Variants in TSNARE1 observed in about 807,000 individuals in gnomAD.
TSNARE1 encodes the protein t-SNARE domain-containing protein 1.
Under a neutral mutation model 62.0 loss-of-function variants are expected in TSNARE1, and 49 were observed. The ratio of observed to expected loss-of-function variants is 0.79; its 90% CI spans 0.63 to 1.00. The LOEUF is 1.00. Among genes scored for constraint, TSNARE1 ranks in the 50% least tolerant of loss-of-function variants. TSNARE1 has a pLI of 0.00. For synonymous variants in TSNARE1, 328 were observed against 294.4 expected, an observed-to-expected ratio of 1.11 and a Z score of -1.17; for missense variants, 755 against 700.1, an observed-to-expected ratio of 1.08 and a Z score of -0.88.
intron 12 of TSNARE1, among the ~76,000 whole-genome samples, chr8:142,253,172 C>T (rs543197952): frequency 3.3e-5 from 5 of 152,302 alleles, no homozygotes; most frequent in East Asian, 1.9e-4. Context: ...GACAGGCTGG[C>T]GACAGCCCAG....
chr8:142,226,097 C>T (rs1816755104), intron 13 of TSNARE1, among the ~76,000 whole-genome samples: 1 of 152,226 alleles, frequency 6.6e-6, no homozygotes, highest in African/African-American at 2.4e-5. Flanking sequence ...TAACTCATTA[C>T]ATCTGCAAAG....
rs1424219197 is a variant in TSNARE1 at position 142,344,430 on chromosome 8, G to A, written c.281C>T (p.Thr94Ile). 2 of 1,584,568 alleles carry A rather than the reference G, an allele frequency of 1.3e-6. No homozygotes were observed. Among genetic ancestry groups the A allele is most frequent in the Admixed American group, 1.8e-5 (1 of 54,498 alleles). ...APEGSRMPEP[T>I]SSPTIGPRKD... ...CCTCGGGCCAATGGTGGGTGATGAG[G>A]TGGGCTCCGGCATCCGGCTGCCTTC... is the stretch of plus-strand genomic sequence containing the variant. The change falls in exon 4 of 14, where the codon ACC becomes ATC. Residue 94 changes from threonine to isoleucine, a missense_variant. By Grantham distance (89) the Thr-to-Ile change is moderately conservative (BLOSUM62 -1). Coordinates refer to ENST00000524325, the MANE Select transcript of TSNARE1 (RefSeq NM_145003.5).
At chr8:142,272,103 TGTTC>T (rs761402037) in intron 12 of TSNARE1, among the ~76,000 whole-genome samples, 6 of 152,054 alleles carry the variant, frequency 3.9e-5, no homozygotes, top group Non-Finnish European at 7.4e-5. Context: ...TCCACCTGTC[TGTTC>T]ATCACTGTCC....
chr8:142,275,595 G>T lies in TSNARE1; in HGVS notation c.1364-732C>A, dbSNP rs562505670. ...GGGCACCAGGAGCGCAGGCACAGCC[G>T]GGGTCCTCAACAGAGCCACATGCAA... On this transcript the variant is annotated intron_variant, in intron 11 of 13. Transcript: ENST00000524325. The T allele has an allele frequency of 3.0e-6, 3 of 985,298 alleles. No homozygotes were observed. The African/African-American group carries it at 5.2e-5, about 17-fold the overall frequency. 61.0% of individuals were successfully genotyped at this position (985,298 alleles called of 1,614,324 possible).
At chr8:142,303,902 G>A (rs577655319) in intron 9 of TSNARE1, among the ~76,000 whole-genome samples, 2 of 152,264 alleles carry the variant, frequency 1.3e-5, no homozygotes, top group South Asian at 2.1e-4. Context: ...GATGCAGCAC[G>A]AGGCTAGGTG....
Position 142,274,830 on chromosome 8 carries a change from G to C in TSNARE1, c.1397C>G (p.Ser466Trp). 6.3e-7 allele frequency: 1 copy of C among 1,580,062 alleles called. No homozygotes were observed. The highest frequency in any genetic ancestry group is 8.6e-7 in the Non-Finnish European group (1 of 1,163,816). The change falls in exon 12 of 14, where the codon TCG becomes TGG. Residue 466 changes from serine to tryptophan, a missense_variant. Physicochemically the swap from Ser to Trp is radical, Grantham distance 177. Transcript: ENST00000524325. ...SIEASLEAAS[S>W]HAEAARQLLA... The stretch of plus-strand genomic sequence containing the variant: ...GAGCTGGCGGGCTGCCTCCGCATGC[G>C]AGGACGCAGCCTCAAGGCTGGCTTC...
intron 1 of TSNARE1, among the ~76,000 whole-genome samples, chr8:142,372,180 G>A (rs1217781071): frequency 2.0e-5 from 3 of 152,150 alleles, no homozygotes; most frequent in Non-Finnish European, 2.9e-5. Flanking sequence ...TCAGGGGAGA[G>A]GCTAGGACTG....
At chr8:142,259,820 G>A (rs1170683454) in intron 12 of TSNARE1, among the ~76,000 whole-genome samples, 1 of 152,182 alleles carries the variant, frequency 6.6e-6, no homozygotes, top group African/African-American at 2.4e-5. Flanking sequence ...TGCAACTAAG[G>A]GGTTCTGGAA....
At chr8:142,297,817 T>A (rs953301511) in intron 10 of TSNARE1, among the ~76,000 whole-genome samples, 3 of 152,186 alleles carry the variant, frequency 2.0e-5, no homozygotes, top group Non-Finnish European at 4.4e-5. Context: ...AATTTGCGTT[T>A]TGTTTTTCCC....
intron 1 of TSNARE1, among the ~76,000 whole-genome samples, chr8:142,386,470 C>T (rs1424933300): frequency 6.6e-6 from 1 of 151,882 alleles, no homozygotes; most frequent in Non-Finnish European, 1.5e-5. Flanking sequence ...CATGCACACA[C>T]AAAGCACACC....
At chr8:142,349,042 C>T (rs1833750237) in intron 2 of TSNARE1, among the ~76,000 whole-genome samples, 1 of 152,158 alleles carries the variant, frequency 6.6e-6, no homozygotes, top group African/African-American at 2.4e-5. Flanking sequence ...TGAGGGTCCT[C>T]GAAGGCCCCG....
intron 10 of TSNARE1, among the ~76,000 whole-genome samples, chr8:142,295,453 C>A (rs930019888): frequency 2.2e-4 from 33 of 152,212 alleles, no homozygotes; most frequent in Admixed American, 1.7e-3. Flanking sequence ...CTCTAACACC[C>A]CTGTGTATGC....
At chr8:142,383,612 C>T (rs1367329311) in intron 1 of TSNARE1, among the ~76,000 whole-genome samples, 1 of 152,074 alleles carries the variant, frequency 6.6e-6, no homozygotes, top group Admixed American at 6.5e-5. Context: ...AGCTGGAGGC[C>T]CTACTGTCAC....
intron 11 of TSNARE1, chr8:142,277,575 A>G (rs987137663): frequency 1.0e-6 from 1 of 985,262 alleles, no homozygotes; most frequent in Middle Eastern, 5.2e-4. Context: ...CCACTTTCCT[A>G]CTTCCTGCCT....
chr8:142,219,580 C>T (rs766801135), intron 13 of TSNARE1, among the ~76,000 whole-genome samples: 4 of 152,190 alleles, frequency 2.6e-5, no homozygotes, highest in Non-Finnish European at 4.4e-5. Context: ...GTCTCCTGAC[C>T]GACACGTGGC....
intron 1 of TSNARE1, among the ~76,000 whole-genome samples, chr8:142,378,503 G>A (rs551435594): frequency 2.6e-5 from 4 of 152,272 alleles, no homozygotes; most frequent in African/African-American, 9.6e-5. Flanking sequence ...TGAAGTTTGC[G>A]CACTTGCACA....
chr8:142,384,592 T>C (rs2131274072), intron 1 of TSNARE1, among the ~76,000 whole-genome samples: 1 of 152,298 alleles, frequency 6.6e-6, no homozygotes, highest in Non-Finnish European at 1.5e-5. Flanking sequence ...GGATCATCTT[T>C]TCAACAAATG....
chr8:142,374,406 C>T (rs1235941620), intron 1 of TSNARE1, among the ~76,000 whole-genome samples: 3 of 151,042 alleles, frequency 2.0e-5, no homozygotes, highest in Admixed American at 1.3e-4. Flanking sequence ...CGGCTGGGTG[C>T]GGTGGCTCAC....
chr8:142,256,416 TTATCAC>T (rs1818576518), intron 12 of TSNARE1, among the ~76,000 whole-genome samples: 18 of 17,620 alleles, frequency 1.0e-3, no homozygotes, highest in Non-Finnish European at 1.4e-3. Flanking sequence ...ACCACCATCA[TTATCAC>T]CACCATCATC....
Sources: allele counts gnomAD v4.1 joint callset (sites outside exome capture counted in the v4.1 genomes callset), GRCh38; gene constraint gnomAD v4.1.1; transcripts MANE v1.5; gene names NCBI Gene and HGNC (gene_info 2026-07-23, HGNC 2026-07-21).